ADAMTSL1: variants seen among roughly 807,000 people sequenced by gnomAD.
ADAMTSL1 encodes ADAMTS-like protein 1.
Under a neutral mutation model 201.8 loss-of-function variants are expected in ADAMTSL1, and 126 were observed. The ratio of observed to expected loss-of-function variants is 0.62; its 90% CI spans 0.54 to 0.72. The LOEUF is 0.72. Among genes scored for constraint, ADAMTSL1 ranks in the 30% least tolerant of loss-of-function variants. The pLI, the probability that ADAMTSL1 is intolerant of heterozygous loss-of-function variation, is 0.00. For synonymous variants in ADAMTSL1, 1,121 were observed against 903.4 expected, an observed-to-expected ratio of 1.24 and a Z score of -4.32; for missense variants, 2,679 against 2,277.8, an observed-to-expected ratio of 1.18 and a Z score of -3.59.
At chr9:18,051,330 A>G (rs553836922) in intron 1 of ADAMTSL1, among the ~76,000 whole-genome samples, 1 of 150,116 alleles carries the variant, frequency 6.7e-6, no homozygotes, top group African/African-American at 2.5e-5. Flanking sequence ...TCCACACTAT[A>G]TAACATTATA....
At chr9:18,696,379 G>A (rs1831549923) in intron 13 of ADAMTSL1, among the ~76,000 whole-genome samples, 1 of 152,224 alleles carries the variant, frequency 6.6e-6, no homozygotes, top group African/African-American at 2.4e-5. Context: ...TGTGGCTGGA[G>A]AGAGTAGTAA....
intron 2 of ADAMTSL1, among the ~76,000 whole-genome samples, chr9:18,205,958 G>C (rs1225647914): frequency 6.6e-6 from 1 of 150,642 alleles, no homozygotes; most frequent in Non-Finnish European, 1.5e-5. Context: ...GGAGGCTGAG[G>C]CAGGGGAATC....
At chr9:18,322,448 C>A (rs1195750696) in intron 2 of ADAMTSL1, among the ~76,000 whole-genome samples, 1 of 152,130 alleles carries the variant, frequency 6.6e-6, no homozygotes, top group Non-Finnish European at 1.5e-5. Flanking sequence ...GCCTGGCCAA[C>A]ATGGTGAAAC....
At chr9:18,550,607 G>A (rs1209122939) in intron 3 of ADAMTSL1, among the ~76,000 whole-genome samples, 1 of 151,842 alleles carries the variant, frequency 6.6e-6, no homozygotes, top group Non-Finnish European at 1.5e-5. Context: ...CATCTCCGCA[G>A]CCTCTAAAAA....
intron 2 of ADAMTSL1, among the ~76,000 whole-genome samples, chr9:18,345,690 A>G (rs1835683760): frequency 6.6e-6 from 1 of 152,150 alleles, no homozygotes; most frequent in Admixed American, 6.5e-5. Context: ...AGCGGCAAGC[A>G]CCACTGGAGA....
At chr9:18,616,176 C>T (rs1273456778) in intron 4 of ADAMTSL1, among the ~76,000 whole-genome samples, 1 of 152,150 alleles carries the variant, frequency 6.6e-6, no homozygotes, top group East Asian at 1.9e-4. Flanking sequence ...CAGGTGTTTG[C>T]CACCACACTG....
At chr9:18,184,643 A>G (rs542919426) in intron 2 of ADAMTSL1, among the ~76,000 whole-genome samples, 1 of 152,304 alleles carries the variant, frequency 6.6e-6, no homozygotes, top group Non-Finnish European at 1.5e-5. Context: ...TTAGCCAGAG[A>G]TTCCCTCAAT....
chr9:18,374,521 T>G (rs551674971), intron 2 of ADAMTSL1, among the ~76,000 whole-genome samples: 22 of 152,084 alleles, frequency 1.4e-4, no homozygotes, highest in East Asian at 1.4e-3. Context: ...GTTGGAGAGA[T>G]AGGTTTTTGC....
At chr9:18,623,879 T>C (rs1039323368) in intron 5 of ADAMTSL1, among the ~76,000 whole-genome samples, 1 of 152,242 alleles carries the variant, frequency 6.6e-6, no homozygotes, top group South Asian at 2.1e-4. Flanking sequence ...TTACTGAATG[T>C]GTTTTGTTAT....
chr9:18,012,576 A>G (rs939764848), intron 1 of ADAMTSL1, among the ~76,000 whole-genome samples: 1 of 152,066 alleles, frequency 6.6e-6, no homozygotes, highest in African/African-American at 2.4e-5. Context: ...ATTTAAAAGC[A>G]TGAGGGAAGA....
At chr9:18,181,629 A>G (rs1425596390) in intron 2 of ADAMTSL1, among the ~76,000 whole-genome samples, 7 of 152,298 alleles carry the variant, frequency 4.6e-5, no homozygotes, top group Non-Finnish European at 8.8e-5. Flanking sequence ...TTAAAAAGTC[A>G]GGAAACAACA....
intron 1 of ADAMTSL1, among the ~76,000 whole-genome samples, chr9:18,070,895 G>A (rs1263461873): frequency 6.6e-6 from 1 of 152,216 alleles, no homozygotes; most frequent in Non-Finnish European, 1.5e-5. Context: ...ATATGTGAAT[G>A]TTGTCCAGCA....
intron 1 of ADAMTSL1, among the ~76,000 whole-genome samples, chr9:17,927,364 A>T (rs7847533): frequency 6.6e-6 from 1 of 151,972 alleles, no homozygotes; most frequent in Admixed American, 6.6e-5. Flanking sequence ...ACATATATAC[A>T]TATGTGCATA....
At chr9:18,334,188 T>G (rs948100443) in intron 2 of ADAMTSL1, among the ~76,000 whole-genome samples, 5 of 152,082 alleles carry the variant, frequency 3.3e-5, no homozygotes, top group African/African-American at 1.2e-4. Context: ...AAGGGAGAAG[T>G]GTGTGCCTAA....
chr9:18,244,111 ACG>A (rs1831171002), intron 2 of ADAMTSL1, among the ~76,000 whole-genome samples: 2 of 102,498 alleles, frequency 2.0e-5, no homozygotes, highest in Non-Finnish European at 4.5e-5. Flanking sequence ...GTGTGTGTGT[ACG>A]TGTGTGTGTG....
At chr9:18,407,965 G>A (rs567928429) in intron 2 of ADAMTSL1, among the ~76,000 whole-genome samples, 23 of 152,276 alleles carry the variant, frequency 1.5e-4, no homozygotes, top group African/African-American at 5.3e-4. Flanking sequence ...AAAAAAGACT[G>A]TAACATTTTT....
At chr9:18,150,921 A>G (rs1826880061) in intron 1 of ADAMTSL1, among the ~76,000 whole-genome samples, 1 of 151,810 alleles carries the variant, frequency 6.6e-6, no homozygotes, top group Non-Finnish European at 1.5e-5. Flanking sequence ...TTTTCTGTGA[A>G]ATAGGAGACA....
At chr9:17,970,583 C>G (rs975457311) in intron 1 of ADAMTSL1, among the ~76,000 whole-genome samples, 1 of 151,990 alleles carries the variant, frequency 6.6e-6, no homozygotes, top group African/African-American at 2.4e-5. Flanking sequence ...TGGCTTCCCT[C>G]CTGTATTTTT....
chr9:18,829,245 G>A (rs778276662), intron 22 of ADAMTSL1, among the ~76,000 whole-genome samples: 42 of 152,156 alleles, frequency 2.8e-4, no homozygotes, highest in Non-Finnish European at 4.4e-4. Context: ...ATGAAGCATC[G>A]CATAGCAACA....
Sources: gnomAD v4.1 joint callset for allele counts (sites outside exome capture counted in the v4.1 genomes callset) on GRCh38, gnomAD v4.1.1 for gene constraint, MANE v1.5 for transcripts, NCBI Gene and HGNC (gene_info 2026-07-23, HGNC 2026-07-21) for gene names.